Variants in MAP2 observed in about 807,000 individuals in gnomAD.
The protein encoded by MAP2 is microtubule-associated protein 2.
MAP2 carries 14 observed loss-of-function variants against 137.6 expected under a neutral mutation model. That is an observed-to-expected ratio of 0.10 (90% CI 0.07 to 0.16). The LOEUF is 0.16. MAP2 is among the 10% of genes least tolerant of loss of function. The pLI, the probability that MAP2 is intolerant of heterozygous loss-of-function variation, is 1.00. For synonymous variants in MAP2, 786 were observed against 782.3 expected (o/e 1.00, Z -0.08); for missense variants, 2,088 against 2,191.5 (o/e 0.95, Z 0.94).
chr2:209,551,443 A>G (rs1341274136), intron 2 of MAP2, among the ~76,000 whole-genome samples: 1 of 152,196 alleles, frequency 6.6e-6, no homozygotes, highest in East Asian at 1.9e-4. Context: ...TTCACTTGAT[A>G]AGATACATTT....
intron 5 of MAP2, among the ~76,000 whole-genome samples, chr2:209,662,597 C>A (rs1443753214): frequency 3.9e-5 from 6 of 151,996 alleles, no homozygotes; most frequent in Admixed American, 6.6e-5. Context: ...CATGTTTTGT[C>A]ATCATATTTT....
chr2:209,449,114 G>A (rs953809896), intron 1 of MAP2, among the ~76,000 whole-genome samples: 2 of 152,098 alleles, frequency 1.3e-5, no homozygotes, highest in East Asian at 1.9e-4. Context: ...ATTAGAATAC[G>A]GAGCTTCCAA....
chr2:209,460,892 G>T (rs1290072537), intron 1 of MAP2, among the ~76,000 whole-genome samples: 1 of 151,844 alleles, frequency 6.6e-6, no homozygotes, highest in Non-Finnish European at 1.5e-5. Context: ...GGGATTACAG[G>T]CACGCACCAC....
intron 13 of MAP2, among the ~76,000 whole-genome samples, chr2:209,712,534 C>T (rs571261044): frequency 6.6e-6 from 1 of 152,214 alleles, no homozygotes; most frequent in Non-Finnish European, 1.5e-5. Context: ...GAGGTATTTC[C>T]TCACCAAGAT....
intron 2 of MAP2, among the ~76,000 whole-genome samples, chr2:209,558,883 T>C (rs1224739537): frequency 6.6e-6 from 1 of 152,054 alleles, no homozygotes; most frequent in East Asian, 1.9e-4. Context: ...TCAGAGTATA[T>C]ATTTTTTGGG....
At chr2:209,443,930 T>G (rs1698426810) in intron 1 of MAP2, among the ~76,000 whole-genome samples, 1 of 151,604 alleles carries the variant, frequency 6.6e-6, no homozygotes, top group Non-Finnish European at 1.5e-5. Context: ...TGACATCACT[T>G]TGGATTCTTT....
chr2:209,631,021 A>AAAAAAAAAG (rs2092972881), intron 4 of MAP2, among the ~76,000 whole-genome samples: 1 of 140,580 alleles, frequency 7.1e-6, no homozygotes, highest in Non-Finnish European at 1.5e-5. Context: ...AAAAAAAAAA[A>AAAAAAAAAG]AAAAAAAAAA....
Position 209,653,501 on chromosome 2 carries a change from A to G in MAP2, c.262+69A>G, listed in dbSNP as rs2094936123. 4 of 1,478,572 alleles carry G rather than the reference A, an allele frequency of 2.7e-6. No homozygotes were observed. The Admixed American group carries it at 6.5e-5, about 24-fold the overall frequency. The allele number at this position is 1,478,572 out of a possible 1,614,324, so 91.6% of individuals were successfully genotyped here. ...TGAAGTCAGTTTAGTCTGAAAGTGA[A>G]TTAATATACAGCACTGATCCTCTTT... On this transcript the variant is annotated intron_variant, in intron 5 of 15. Transcript: ENST00000682079.
intron 13 of MAP2, among the ~76,000 whole-genome samples, chr2:209,720,160 G>C (rs1284707315): frequency 6.6e-6 from 1 of 152,148 alleles, no homozygotes; most frequent in Admixed American, 6.5e-5. Flanking sequence ...GCCTCACTAA[G>C]AAGTTTTGAT....
rs2061234878 is a variant in MAP2, at chr2:209,507,649, C to T, written c.-172+8C>T. On this transcript the variant is annotated splice_region_variant and intron_variant, in intron 2 of 15. Transcript: ENST00000682079. ...CTTCTGGCTGGAATTAAGGTCAGTA[C>T]TATATTTGTGTCAATCATGAATAAA... is the stretch of plus-strand genomic sequence containing the variant. 5 of 152,018 alleles carry T rather than the reference C, an allele frequency of 3.3e-5. No homozygotes were observed. The highest frequency in any genetic ancestry group is 3.3e-4 in the Admixed American group (5 of 15,242). 9.4% of individuals were successfully genotyped at this position (152,018 alleles called of 1,614,324 possible).
intron 2 of MAP2, among the ~76,000 whole-genome samples, chr2:209,558,336 G>A (rs2071164313): frequency 1.3e-5 from 2 of 151,960 alleles, no homozygotes; most frequent in South Asian, 2.1e-4. Flanking sequence ...TTACAGGCAC[G>A]CACCACCAAG....
At chr2:209,455,390 A>G (rs948539323) in intron 1 of MAP2, among the ~76,000 whole-genome samples, 3 of 152,252 alleles carry the variant, frequency 2.0e-5, no homozygotes, top group Admixed American at 6.5e-5. Flanking sequence ...ACATTAAAAT[A>G]TAATAGATTA....
At chr2:209,665,404 G>A (rs1291222263) in intron 5 of MAP2, among the ~76,000 whole-genome samples, 1 of 152,126 alleles carries the variant, frequency 6.6e-6, no homozygotes, top group Non-Finnish European at 1.5e-5. Flanking sequence ...GGTTGAAAAT[G>A]CCACTGAAAT....
intron 3 of MAP2, among the ~76,000 whole-genome samples, chr2:209,611,081 CT>C (rs2086686582): frequency 6.6e-6 from 1 of 152,108 alleles, no homozygotes; most frequent in Non-Finnish European, 1.5e-5. Context: ...TATTTGGTCA[CT>C]TTTTATACTA....
chr2:209,548,482 C>T (rs971990340), intron 2 of MAP2, among the ~76,000 whole-genome samples: 4 of 152,182 alleles, frequency 2.6e-5, no homozygotes, highest in African/African-American at 4.8e-5. Context: ...TGGATCCACA[C>T]ATAACCTTGT....
chr2:209,718,820 T>G (rs2068878832), intron 13 of MAP2, among the ~76,000 whole-genome samples: 2 of 152,198 alleles, frequency 1.3e-5, no homozygotes. Flanking sequence ...GCAGGGATGA[T>G]TAAAATTCTG....
intron 4 of MAP2, among the ~76,000 whole-genome samples, chr2:209,645,689 G>T (rs2094376337): frequency 6.6e-6 from 1 of 152,048 alleles, no homozygotes; most frequent in African/African-American, 2.4e-5. Flanking sequence ...AATGTTAAAA[G>T]GTAATATGTA....
At position 209,692,752 on chromosome 2, in the gene MAP2, T is replaced by A; in HGVS notation, c.582T>A (p.His194Gln). The A allele has an allele frequency of 6.2e-7, 1 of 1,614,064 alleles. No homozygotes were observed. The highest frequency in any genetic ancestry group is 8.5e-7 in the Non-Finnish European group (1 of 1,179,980). Residue 194 changes from histidine to glutamine, a missense_variant, in exon 8 of 16, where the codon CAT becomes CAA. This residue lies in a region of MAP2 where 859 missense variants were observed against 794.5 expected (regional missense o/e 1.08). Coordinates refer to ENST00000682079, the MANE Select transcript of MAP2 (RefSeq NM_001375505.1). The part of the protein sequence containing the change: ...KQSKPGEDLK[H>Q]AALVSQPETT... ...GTAAGCCTGGTGAAGACCTTAAACA[T>A]GCTGCCTTAGTTTCTCAGCCAGAGA...
At chr2:209,658,313 T>A (rs2041862613) in intron 5 of MAP2, among the ~76,000 whole-genome samples, 1 of 152,044 alleles carries the variant, frequency 6.6e-6, no homozygotes, top group South Asian at 2.1e-4. Flanking sequence ...TAGTATTCCC[T>A]TAACAGTATT....
Sources: allele counts gnomAD v4.1 joint callset (sites outside exome capture counted in the v4.1 genomes callset), GRCh38; gene constraint gnomAD v4.1.1; regional missense constraint gnomAD v4.1.1; transcripts MANE v1.5; gene names NCBI Gene and HGNC (gene_info 2026-07-23, HGNC 2026-07-21).